Variants in ZMYM2 observed in about 807,000 individuals in gnomAD.
ZMYM2 encodes zinc finger MYM-type containing 2.
ZMYM2 carries 56 observed loss-of-function variants against 162.8 expected under a neutral mutation model. The ratio of observed to expected loss-of-function variants is 0.34; its 90% confidence interval spans 0.28 to 0.43. The LOEUF (loss-of-function observed/expected upper bound fraction) is 0.43. Among genes scored for constraint, ZMYM2 ranks in the 20% least tolerant of loss-of-function variants. The probability of loss-of-function intolerance (pLI) is 1.00; values close to 1 mark genes in which losing one functional copy is unlikely to be tolerated. For missense variants in ZMYM2, 1,275 were observed against 1,621.8 expected (o/e 0.79, Z 3.67); for synonymous variants, 510 against 541.6 (o/e 0.94, Z 0.81).
intron 9 of ZMYM2, among the ~76,000 whole-genome samples, chr13:20,030,080 C>G (rs1184505353): frequency 6.6e-6 from 1 of 151,828 alleles, no homozygotes; most frequent in East Asian, 1.9e-4. Context: ...CAGGTGTGAG[C>G]TATGACGTCC....
In ZMYM2 at chr13:20,002,854, T is replaced by C; in HGVS notation, c.852T>C (p.Ser284=). 1 of 1,612,022 alleles carries C rather than the reference T, an allele frequency of 6.2e-7. No homozygotes were observed. The highest frequency in any genetic ancestry group is 8.5e-7 in the Non-Finnish European group (1 of 1,178,498). The change falls in exon 4 of 25, where the codon TCT becomes TCC. Residue 284 remains serine (S), a synonymous_variant. Transcript: ENST00000610343. The part of the protein sequence containing the change: ...GESATHHNPD[S]WISQSASFPR... ...CTTGTGCATTTTGTTTTTAAGATTC[T>C]TGGATCTCCCAGTCAGCTTCATTTC...
the ZMYM2 span, among the ~76,000 whole-genome samples, chr13:19,887,477 C>T: frequency 3.3e-5 from 5 of 150,940 alleles, no homozygotes; most frequent in East Asian, 3.9e-4. Context: ...TGCAGTGAGC[C>T]GAGATAGTGC....
chr13:20,079,510 A>T (rs1379035063), intron 21 of ZMYM2, among the ~76,000 whole-genome samples: 1 of 151,848 alleles, frequency 6.6e-6, no homozygotes, highest in Admixed American at 6.6e-5. Flanking sequence ...TCTTCTGTAG[A>T]TTCTCATTGG....
At chr13:20,022,706 TTTCCA>T (rs1352178412) in intron 7 of ZMYM2, among the ~76,000 whole-genome samples, 4 of 152,340 alleles carry the variant, frequency 2.6e-5, no homozygotes, top group Admixed American at 2.6e-4. Context: ...GAAGAGATGA[TTTCCA>T]GGTTTTATTG....
the ZMYM2 span, chr13:19,864,375 C>T: frequency 6.5e-6 from 1 of 155,014 alleles, no homozygotes; most frequent in Non-Finnish European, 1.5e-5. Context: ...AAAACCAAAC[C>T]CCGTGGGGCC....
At chr13:20,064,800 AG>A (rs1339744821) in intron 19 of ZMYM2, among the ~76,000 whole-genome samples, 1 of 144,672 alleles carries the variant, frequency 6.9e-6, no homozygotes, top group Non-Finnish European at 1.6e-5. Context: ...ATTTATTTCT[AG>A]TAATAATTTA....
chr13:20,000,971 A>G (rs993698035), intron 3 of ZMYM2, among the ~76,000 whole-genome samples: 4 of 152,240 alleles, frequency 2.6e-5, no homozygotes, highest in African/African-American at 9.6e-5. Flanking sequence ...TCAAAACAGC[A>G]TTATTAACCA....
intron 5 of ZMYM2, 86 bp from the exon 6 acceptor site, chr13:20,006,288 A>G (rs1426776935): frequency 1.1e-5 from 14 of 1,330,000 alleles, no homozygotes; most frequent in Non-Finnish European, 1.4e-5. Flanking sequence ...TTATTAGGAC[A>G]TCTTTATTTC....
At chr13:20,017,389 C>T (rs1470083820) in intron 6 of ZMYM2, among the ~76,000 whole-genome samples, 2 of 69,950 alleles carry the variant, frequency 2.9e-5, no homozygotes, top group African/African-American at 4.7e-5. Flanking sequence ...ATTTCTCTTG[C>T]CAGATTCAAG....
chr13:19,936,409 A>T, the ZMYM2 span, among the ~76,000 whole-genome samples: 4 of 152,160 alleles, frequency 2.6e-5, no homozygotes, highest in Admixed American at 2.0e-4. Flanking sequence ...GATTAGGAAG[A>T]GGTACGTAAT....
the ZMYM2 span, among the ~76,000 whole-genome samples, chr13:19,904,921 C>T: frequency 6.6e-6 from 1 of 152,058 alleles, no homozygotes; most frequent in Admixed American, 6.6e-5. Context: ...ATTCATCTGT[C>T]AGTGGACGCT....
At chr13:20,003,282 G>T in intron 4 of ZMYM2, 147 bp downstream of exon 4, 1 of 934,442 alleles carries the variant, frequency 1.1e-6, no homozygotes, top group South Asian at 1.8e-5. Context: ...TGTTTGGATG[G>T]CATTGGAGTT....
At chr13:20,073,950 C>T (rs1338991173) in intron 21 of ZMYM2, among the ~76,000 whole-genome samples, 2 of 152,082 alleles carry the variant, frequency 1.3e-5, no homozygotes, top group Non-Finnish European at 2.9e-5. Context: ...CCAGCATCAC[C>T]ATCTATCTCT....
intron 21 of ZMYM2, among the ~76,000 whole-genome samples, chr13:20,069,851 A>T (rs1292321826): frequency 6.6e-6 from 1 of 151,710 alleles, no homozygotes; most frequent in Non-Finnish European, 1.5e-5. Context: ...GAAAAAAAAA[A>T]GTGATCAGAG....
chr13:20,019,673 T>C, intron 7 of ZMYM2, 55 bp downstream of exon 7: 2 of 1,443,072 alleles, frequency 1.4e-6, no homozygotes, highest in Middle Eastern at 1.7e-4. Context: ...GCACTGCTAC[T>C]ACTGTCATTA....
At chr13:19,941,344 A>C in the ZMYM2 span, among the ~76,000 whole-genome samples, 1 of 151,994 alleles carries the variant, frequency 6.6e-6, no homozygotes, top group South Asian at 2.1e-4. Flanking sequence ...AGAAAGCAAG[A>C]AAGAAAAGAA....
At chr13:20,038,363 A>G (rs1448507770) in intron 12 of ZMYM2, among the ~76,000 whole-genome samples, 1 of 152,178 alleles carries the variant, frequency 6.6e-6, no homozygotes, top group Non-Finnish European at 1.5e-5. Context: ...TCCTATGTCC[A>G]GAATGGTATT....
chr13:19,905,233 G>A, the ZMYM2 span, among the ~76,000 whole-genome samples: 3 of 152,002 alleles, frequency 2.0e-5, no homozygotes, highest in Non-Finnish European at 4.4e-5. Context: ...GGCTGGTCTG[G>A]AACTCCTGAC....
At chr13:20,072,578 C>T (rs531145808) in intron 21 of ZMYM2, among the ~76,000 whole-genome samples, 388 of 152,164 alleles carry the variant, frequency 2.5e-3, no homozygotes, top group Non-Finnish European at 4.6e-3. Flanking sequence ...ATTCCTTCCT[C>T]CTATTTTCTG....
Sources: allele counts gnomAD v4.1 joint callset (sites outside exome capture counted in the v4.1 genomes callset), GRCh38; gene constraint gnomAD v4.1.1; transcripts MANE v1.5; gene names NCBI Gene and HGNC (gene_info 2026-07-23, HGNC 2026-07-21).